GNB5: variants seen among roughly 807,000 people sequenced by gnomAD.
The protein encoded by GNB5 is G protein subunit beta 5.
Under a neutral mutation model 55.3 loss-of-function variants are expected in GNB5, and 37 were observed. The observed-to-expected ratio is 0.67, with a 90% CI of 0.51 to 0.88. GNB5 has a LOEUF of 0.88. GNB5 is among the 40% of genes least tolerant of loss of function. The probability of loss-of-function intolerance (pLI) is 0.00; values close to 1 mark genes in which losing one functional copy is unlikely to be tolerated. For missense variants in GNB5, 476 were observed against 515.3 expected (o/e 0.92, Z 0.74); for synonymous variants, 219 against 198.5 (o/e 1.10, Z -0.87).
intron 3 of GNB5, among the ~76,000 whole-genome samples, chr15:52,160,620 A>G (rs940635546): frequency 6.6e-6 from 1 of 152,116 alleles, no homozygotes; most frequent in Non-Finnish European, 1.5e-5. Context: ...AAATAATCAT[A>G]AAATAAAAAT....
In GNB5 at chr15:52,121,541, G is replaced by A. The variant is rs1160919229; in HGVS notation, c.*1216C>T. 6 of 151,610 alleles carry A rather than the reference G, an allele frequency of 4.0e-5. No individual in the cohort carries two copies. The highest frequency in any genetic ancestry group is 1.3e-4 in the Admixed American group (2 of 15,236). 9.4% of individuals were successfully genotyped at this position (151,610 alleles called of 1,614,324 possible). On this transcript the variant is annotated 3_prime_UTR_variant, in exon 13 of 13. Coordinates refer to ENST00000261837, the MANE Select transcript of GNB5 (RefSeq NM_016194.4). ...GTTTTTCTATGTAAGAGGAGCAGAC[G>A]TTATTATTCATGACTATCAATCAAT... is the stretch of plus-strand genomic sequence containing the variant.
chr15:52,150,984 G>A (rs150874686), intron 4 of GNB5, among the ~76,000 whole-genome samples: 41 of 152,340 alleles, frequency 2.7e-4, no homozygotes, highest in Non-Finnish European at 4.6e-4. Flanking sequence ...AAGCAAGATC[G>A]GATCTGCAGT....
chr15:52,146,922 T>C lies in GNB5; in HGVS notation c.494+537A>G, dbSNP rs543654225. Among the ~76,000 whole-genome samples the C allele has an allele frequency of 2.0e-5, 3 of 152,002 alleles. 1 individual carries two copies. In the South Asian group the frequency reaches 6.2e-4, roughly 32 times the overall value. On this transcript the variant is annotated intron_variant, in intron 6 of 12. Transcript: ENST00000261837. ...TTTAAAAATACTACAATTAATGTCA[T>C]TGTCCATATGGCTTTTCTATGTTTT...
At chr15:52,139,819 G>A (rs1328867206) in intron 7 of GNB5, 2 of 1,257,708 alleles carry the variant, frequency 1.6e-6, no homozygotes, top group Admixed American at 4.9e-5. Flanking sequence ...TCACCTACTG[G>A]TGCCCCCTTT....
intron 1 of GNB5, among the ~76,000 whole-genome samples, chr15:52,190,451 G>A (rs2034905275): frequency 6.6e-6 from 1 of 152,128 alleles, no homozygotes; most frequent in African/African-American, 2.4e-5. Flanking sequence ...AAAGGCTTGT[G>A]TAGTCACTTC....
chr15:52,167,778 G>A (rs1477807659), intron 3 of GNB5, among the ~76,000 whole-genome samples: 1 of 151,884 alleles, frequency 6.6e-6, no homozygotes, highest in Admixed American at 6.6e-5. Flanking sequence ...ACTGAATCCA[G>A]CATCACATCA....
At chr15:52,174,216 C>T (rs1030605752) in intron 3 of GNB5, among the ~76,000 whole-genome samples, 1 of 152,200 alleles carries the variant, frequency 6.6e-6, no homozygotes, top group African/African-American at 2.4e-5. Flanking sequence ...TCCAGAAGGA[C>T]CTGCCCACCC....
intron 4 of GNB5, among the ~76,000 whole-genome samples, chr15:52,152,057 A>G (rs1321154375): frequency 6.6e-6 from 1 of 152,002 alleles, no homozygotes; most frequent in East Asian, 1.9e-4. Context: ...GGTAGAATAC[A>G]TAAGTGATAA....
At chr15:52,170,350 G>A (rs1168699822) in intron 3 of GNB5, among the ~76,000 whole-genome samples, 2 of 152,040 alleles carry the variant, frequency 1.3e-5, no homozygotes, top group Non-Finnish European at 2.9e-5. Context: ...AAGAAAATGT[G>A]GTACATACAT....
At chr15:52,140,995 TGAGAAACAATAGGAGCTTCCTCTTA>T in intron 7 of GNB5, 120 bp downstream of exon 7, 1 of 622,848 alleles carries the variant, frequency 1.6e-6, no homozygotes, top group Non-Finnish European at 2.8e-6. Context: ...TAATAACTAA[TGAGAAACAATAGGAGCTTCCTCTTA>T]GAGCAAACTA....
chr15:52,127,319 C>A (rs1319029281), intron 10 of GNB5, among the ~76,000 whole-genome samples: 2 of 152,220 alleles, frequency 1.3e-5, no homozygotes, highest in African/African-American at 2.4e-5. Flanking sequence ...CAGGTGTTTA[C>A]TTGCCATTGT....
intron 6 of GNB5, chr15:52,143,791 A>G (rs1183017940): frequency 1.3e-5 from 2 of 152,250 alleles, no homozygotes; most frequent in Admixed American, 6.5e-5. Context: ...TGTCAGACTT[A>G]CCACTAGAAA....
chr15:52,156,052 T>C (rs1426852538), intron 3 of GNB5, among the ~76,000 whole-genome samples: 1 of 152,210 alleles, frequency 6.6e-6, no homozygotes, highest in Admixed American at 6.5e-5. Flanking sequence ...CCCTCTGCAT[T>C]CATTAGTCAG....
At chr15:52,154,744 C>G (rs974910010) in intron 3 of GNB5, among the ~76,000 whole-genome samples, 1 of 152,214 alleles carries the variant, frequency 6.6e-6, no homozygotes. Flanking sequence ...AACTGCCAAG[C>G]AAGCTGTCTG....
rs2033240376 is a variant in GNB5, at chr15:52,120,574, T to C, written c.*2183A>G. ...CTTCCCTGGGCCACCTTTCCTTCCT[T>C]TCTCGTGCCTTCCTGCACTTCTGGG... On this transcript the variant is annotated 3_prime_UTR_variant, in exon 13 of 13. Transcript: ENST00000261837. 6.6e-6 allele frequency: 1 copy of C among 152,274 alleles called. No homozygotes were observed. 9.4% of individuals were successfully genotyped at this position (152,274 alleles called of 1,614,324 possible).
intron 1 of GNB5, among the ~76,000 whole-genome samples, chr15:52,189,574 C>T (rs149689360): frequency 3.4e-4 from 52 of 152,006 alleles, no homozygotes; most frequent in South Asian, 2.1e-3. Context: ...AGTGAGACTC[C>T]GTCTCAGAAC....
At chr15:52,129,755 C>A (rs1232638870) in intron 9 of GNB5, among the ~76,000 whole-genome samples, 1 of 152,064 alleles carries the variant, frequency 6.6e-6, no homozygotes, top group Non-Finnish European at 1.5e-5. Context: ...TAAATAAAAG[C>A]AGGATTTTTT....
intron 8 of GNB5, 118 bp from the exon 9 acceptor site, chr15:52,133,587 C>T (rs1179677387): frequency 2.9e-6 from 2 of 686,968 alleles, no homozygotes; most frequent in Non-Finnish European, 2.6e-6. Context: ...GTTGACAACA[C>T]ACTTTTCTGA....
chr15:52,179,676 A>T, intron 3 of GNB5, 92 bp downstream of exon 3: 3 of 744,758 alleles, frequency 4.0e-6, no homozygotes, highest in African/African-American at 1.9e-5. Context: ...CTCCCGTCGC[A>T]GCCACGACCG....
Sources: allele counts gnomAD v4.1 joint callset (sites outside exome capture counted in the v4.1 genomes callset), GRCh38; gene constraint gnomAD v4.1.1; transcripts MANE v1.5; gene names NCBI Gene and HGNC (gene_info 2026-07-23, HGNC 2026-07-21).